Variants in NLGN4X observed in about 807,000 individuals in gnomAD.
NLGN4X encodes neuroligin 4 X-linked.
A neutral mutation model predicts 40.3 loss-of-function variants in NLGN4X; 3 were observed. That is an observed-to-expected ratio of 0.07 (90% CI 0.03 to 0.19). The LOEUF is 0.19. Ranked by LOEUF, NLGN4X falls within the 10% of genes least tolerant of loss-of-function variation. NLGN4X has a pLI of 1.00. For missense variants in NLGN4X, 382 were observed against 708.3 expected (o/e 0.54, Z 5.23); for synonymous variants, 270 against 306.8 (o/e 0.88, Z 1.25).
intron 3 of NLGN4X, among the ~76,000 whole-genome samples, chrX:5,990,413 C>T (rs2035649891): frequency 9.0e-6 from 1 of 110,551 alleles, no homozygotes; most frequent in African/African-American, 3.3e-5. Context: ...ACACCCTGGG[C>T]GGGAGGCTGC....
At chrX:6,185,077 T>TTTA (rs1921877180) in intron 1 of NLGN4X, among the ~76,000 whole-genome samples, 1 of 112,504 alleles carries the variant, frequency 8.9e-6, no homozygotes, top group African/African-American at 3.2e-5. Context: ...ATCCAACACA[T>TTTA]ATAAAGCATC....
At chrX:5,991,523 C>A in intron 3 of NLGN4X, 1 of 517,263 alleles carries the variant, frequency 1.9e-6, no homozygotes, top group Non-Finnish European at 3.6e-6. Flanking sequence ...GTGTTTTCTG[C>A]TGAGTGAGAT....
At chrX:5,911,620 C>T (rs1411462536) in intron 3 of NLGN4X, among the ~76,000 whole-genome samples, 2 of 112,220 alleles carry the variant, frequency 1.8e-5, no homozygotes, top group Non-Finnish European at 1.9e-5. Flanking sequence ...TTTATTGCAA[C>T]ATCCAGGGAT....
chrX:5,993,526 T>C (rs1161847763), intron 3 of NLGN4X, among the ~76,000 whole-genome samples: 1 of 111,763 alleles, frequency 8.9e-6, no homozygotes, highest in Non-Finnish European at 1.9e-5. Context: ...TCTCCTTACA[T>C]TGCCAAGCAG....
chrX:6,075,023 A>C (rs1157881468), intron 2 of NLGN4X, among the ~76,000 whole-genome samples: 1 of 111,886 alleles, frequency 8.9e-6, no homozygotes, highest in Admixed American at 9.5e-5. Context: ...TGATAAAGGG[A>C]TGGATGTGGT....
intron 3 of NLGN4X, among the ~76,000 whole-genome samples, chrX:5,948,569 CAA>C (rs1233771599): frequency 8.9e-6 from 1 of 111,763 alleles, no homozygotes; most frequent in African/African-American, 3.3e-5. Flanking sequence ...GTGAGTCATT[CAA>C]AGAGTTCTCT....
In NLGN4X at chrX:5,938,533, G is replaced by C. The variant is rs181542645; in HGVS notation, c.626-29294C>G. 3.6e-5 allele frequency among the ~76,000 whole-genome samples: 4 copies of C among 111,050 alleles called. No individual in the cohort carries two copies. In the East Asian group the frequency reaches 1.1e-3, roughly 32 times the overall value. On this transcript the variant is annotated intron_variant, in intron 3 of 5. Coordinates refer to ENST00000381095, the MANE Select transcript of NLGN4X (RefSeq NM_181332.3). ...AGAATTGAGTTCTTTTTCAAAGTTGGGTAGGATTAGGTTTCATATCCAGTC... is the reference window on the plus strand; with the variant it reads ...AGAATTGAGTTCTTTTTCAAAGTTGCGTAGGATTAGGTTTCATATCCAGTC...
intron 3 of NLGN4X, among the ~76,000 whole-genome samples, chrX:5,985,141 T>TA (rs2035497560): frequency 8.9e-6 from 1 of 112,324 alleles, no homozygotes. Flanking sequence ...AAATTAGTGA[T>TA]TATATTAAGG....
At chrX:5,927,964 G>A (rs1921362) in intron 3 of NLGN4X, among the ~76,000 whole-genome samples, 2 of 111,963 alleles carry the variant, frequency 1.8e-5, no homozygotes, top group African/African-American at 6.5e-5. Context: ...CCAGTATATG[G>A]TTAATATTTG....
chrX:6,200,687 C>CTTTTTTTTTTTCTTTTTTTTTTTT (rs1556005144), intron 1 of NLGN4X, among the ~76,000 whole-genome samples: 15 of 55,546 alleles, frequency 2.7e-4, no homozygotes, highest in Non-Finnish European at 3.7e-4. Flanking sequence ...CTTTCCTTTT[C>CTTTTTTTTTTTCTTTTTTTTTTTT]TTTTTTTTTT....
intron 2 of NLGN4X, among the ~76,000 whole-genome samples, chrX:6,082,203 A>G (rs886066933): frequency 1.8e-5 from 2 of 111,965 alleles, no homozygotes; most frequent in African/African-American, 6.5e-5. Flanking sequence ...TCATTTGTTG[A>G]TTATTATTTG....
At chrX:6,083,361 C>T (rs1210515535) in intron 2 of NLGN4X, among the ~76,000 whole-genome samples, 2 of 111,697 alleles carry the variant, frequency 1.8e-5, no homozygotes. Context: ...GATGATGGTG[C>T]CTTGATCCTG....
intron 1 of NLGN4X, among the ~76,000 whole-genome samples, chrX:6,164,615 T>C (rs1216010316): frequency 1.8e-5 from 2 of 111,468 alleles, no homozygotes; most frequent in South Asian, 3.8e-4. Flanking sequence ...CTGTTGAGTG[T>C]ATCTCTATGT....
intron 3 of NLGN4X, among the ~76,000 whole-genome samples, chrX:5,997,809 A>G (rs1048279840): frequency 9.1e-6 from 1 of 110,091 alleles, no homozygotes; most frequent in Admixed American, 9.8e-5. Flanking sequence ...ACAGCTCACG[A>G]GGCTCTAATA....
chrX:6,055,364 T>G (rs1240892938), intron 2 of NLGN4X, among the ~76,000 whole-genome samples: 1 of 111,948 alleles, frequency 8.9e-6, no homozygotes, highest in East Asian at 2.8e-4. Context: ...TTGGCCATGG[T>G]GGCATCTGTA....
At chrX:6,082,950 T>G (rs1316411239) in intron 2 of NLGN4X, among the ~76,000 whole-genome samples, 1 of 65,520 alleles carries the variant, frequency 1.5e-5, no homozygotes, top group Non-Finnish European at 3.2e-5. Context: ...CATGATGCGT[T>G]TTTTTCTTTT....
chrX:6,007,062 A>G (rs192614046), intron 3 of NLGN4X, among the ~76,000 whole-genome samples: 312 of 112,105 alleles, frequency 2.8e-3, no homozygotes, highest in African/African-American at 9.7e-3. Context: ...GTCCATCAAC[A>G]GATGACTGGA....
In NLGN4X at chrX:5,891,173, G is replaced by C; in HGVS notation, c.*1644C>G. 1 of 233,299 alleles carries C rather than the reference G, an allele frequency of 4.3e-6. No homozygotes were observed. The highest frequency in any genetic ancestry group is 7.8e-6 in the Non-Finnish European group (1 of 127,644). The allele number at this position is 233,299 out of a possible 1,213,427, so 19.2% of individuals were successfully genotyped here. On this transcript the variant is annotated 3_prime_UTR_variant, in exon 6 of 6. Transcript: ENST00000381095. ...GAAATGAAAAAATGACAAGCTGTTG[G>C]AAAGACAAATCTCTGATCCCTAGGT... is the stretch of plus-strand genomic sequence containing the variant.
chrX:5,986,668 T>C (rs1301446505), intron 3 of NLGN4X, among the ~76,000 whole-genome samples: 1 of 111,323 alleles, frequency 9.0e-6, no homozygotes, highest in Non-Finnish European at 1.9e-5. Context: ...AGCACTCTAA[T>C]CGAAATACAG....
Sources: allele counts gnomAD v4.1 joint callset (sites outside exome capture counted in the v4.1 genomes callset), GRCh38; gene constraint gnomAD v4.1.1; transcripts MANE v1.5; gene names NCBI Gene and HGNC (gene_info 2026-07-23, HGNC 2026-07-21).